CKAP4: variants seen among roughly 807,000 people sequenced by gnomAD.
The protein encoded by CKAP4 is cytoskeleton associated protein 4.
Under a neutral mutation model 24.4 loss-of-function variants are expected in CKAP4, and 20 were observed. That is an observed-to-expected ratio of 0.82 (90% CI 0.58 to 1.19). The LOEUF (loss-of-function observed/expected upper bound fraction) is 1.19. Ranked by LOEUF, CKAP4 falls within the 50% of genes most tolerant of loss-of-function variation. The probability of loss-of-function intolerance (pLI) is 0.00; values close to 1 mark genes in which losing one functional copy is unlikely to be tolerated. For synonymous variants in CKAP4, 378 were observed against 351.7 expected, an observed-to-expected ratio of 1.07 and a Z score of -0.84; for missense variants, 744 against 765.3, an observed-to-expected ratio of 0.97 and a Z score of 0.33.
At chr12:106,241,460 G>C (rs1024919420) in intron 1 of CKAP4, among the ~76,000 whole-genome samples, 5 of 150,318 alleles carry the variant, frequency 3.3e-5, no homozygotes, top group Non-Finnish European at 7.4e-5. Context: ...AGCCTCCCGA[G>C]TAGCTGGGAC....
At position 106,238,678 on chromosome 12, in the gene CKAP4, C is replaced by A; in HGVS notation, c.*346G>T. Reference sequence around the variant, plus strand: ...CCAACCCACCTTTTTTTTTTTTTTACTTGAAATCTGCCAGCCAGACAGGAT... The same window carrying A: ...CCAACCCACCTTTTTTTTTTTTTTAATTGAAATCTGCCAGCCAGACAGGAT... On this transcript the variant is annotated 3_prime_UTR_variant, in exon 2 of 2. Transcript: ENST00000378026. The A allele has an allele frequency of 2.0e-4, 31 of 153,142 alleles. No individual in the cohort carries two copies. The highest frequency in any genetic ancestry group is 2.3e-4 in the Non-Finnish European group (17 of 74,120). 9.5% of individuals were successfully genotyped at this position (153,142 alleles called of 1,614,324 possible). A position where few individuals can be genotyped will look rare whatever the true frequency, so the allele number is the denominator to read the frequency against.
chr12:106,247,961 G>T lies in CKAP4; in HGVS notation c.-110C>A. On this transcript the variant is annotated 5_prime_UTR_variant, in exon 1 of 2. Transcript: ENST00000378026. This position sits in a 1 kb window ranked among gnomAD's most constrained non-coding sequence, Gnocchi z 4.5. Reference sequence around the variant, plus strand: ...GGGACTGGGCGAGCGGCACGCGGGCGCTGCTGGCGTCGGAGCGGCGAGAGG... The same window carrying T: ...GGGACTGGGCGAGCGGCACGCGGGCTCTGCTGGCGTCGGAGCGGCGAGAGG... The T allele has an allele frequency of 2.9e-6, 2 of 684,210 alleles. No individual in the cohort carries two copies. Among genetic ancestry groups the T allele is most frequent in the Non-Finnish European group, 3.6e-6 (2 of 551,476 alleles). The allele number at this position is 684,210 out of a possible 1,614,324, so 42.4% of individuals were successfully genotyped here.
rs996704144 is a variant in CKAP4, at chr12:106,247,521, G to A, written c.331C>T (p.Leu111Phe). 4 of 1,533,692 alleles carry A rather than the reference G, an allele frequency of 2.6e-6. No individual in the cohort carries two copies. The African/African-American group carries it at 4.2e-5, about 16-fold the overall frequency. Reference sequence around the variant, plus strand: ...GCCGCCACCAGGGCGAGGTAGAAGAGAAAGTTGAGCGCCCTGCCGAGCCTG... The same window carrying A: ...GCCGCCACCAGGGCGAGGTAGAAGAAAAAGTTGAGCGCCCTGCCGAGCCTG... Reference protein sequence around the residue: ...SRRLGRALNFLFYLALVAAAA... With the variant: ...SRRLGRALNFFFYLALVAAAA... Residue 111 changes from leucine to phenylalanine, a missense_variant, in exon 1 of 2, where the codon CTC becomes TTC. This residue lies in a region of CKAP4 where 300 missense variants were observed against 264.5 expected (regional missense o/e 1.13). Coordinates refer to ENST00000378026, the MANE Select transcript of CKAP4 (RefSeq NM_006825.4). This position sits in a 1 kb window ranked among gnomAD's most constrained non-coding sequence, Gnocchi z 4.5.
rs71442016 is a variant in CKAP4 at position 106,238,662 on chromosome 12, CTT to C, written c.*360_*361del. ...AAAGAAAAGGGTCCCCCCAACCCAC[CTT>C]TTTTTTTTTTTTACTTGAAATCTGC... On this transcript the variant is annotated 3_prime_UTR_variant, in exon 2 of 2. Transcript: ENST00000378026. 676 of 158,150 alleles carry C rather than the reference CTT, an allele frequency of 4.3e-3. No individual in the cohort carries two copies. The highest frequency in any genetic ancestry group is 0.011 in the Middle Eastern group (4 of 352). 9.8% of individuals were successfully genotyped at this position (158,150 alleles called of 1,614,324 possible). A position where few individuals can be genotyped will look rare whatever the true frequency, so the allele number is the denominator to read the frequency against.
In CKAP4 at chr12:106,240,284, T is replaced by C. The variant is rs765149226; in HGVS notation, c.549A>G (p.Gln183=). ...ESILRSSQHK[Q]DLTEKAVKQG... is the part of the protein sequence containing the mutation. Reference sequence around the variant, plus strand: ...GCTTCACAGCTTTCTCTGTGAGGTCTTGTTTATGTTGGGAGCTTCTCAAGA... The same window carrying C: ...GCTTCACAGCTTTCTCTGTGAGGTCCTGTTTATGTTGGGAGCTTCTCAAGA... Residue 183 remains glutamine, a synonymous_variant, in exon 2 of 2, where the codon CAA becomes CAG. Coordinates refer to ENST00000378026, the MANE Select transcript of CKAP4 (RefSeq NM_006825.4). 1 of 1,614,216 alleles carries C rather than the reference T, an allele frequency of 6.2e-7. No individual in the cohort carries two copies. Among genetic ancestry groups the C allele is most frequent in the Non-Finnish European group, 8.5e-7 (1 of 1,180,026 alleles).
In CKAP4 at chr12:106,242,708, G is replaced by C. The variant is rs531897461; in HGVS notation, c.484-2359C>G. Among the ~76,000 whole-genome samples the C allele has an allele frequency of 2.0e-5, 3 of 152,312 alleles. No individual in the cohort carries two copies. The South Asian group carries it at 6.2e-4, about 32-fold the overall frequency. ...CTGCCTGTTCTAAGCATAGCACTCAGAACAGAGGTGTGAGCAGGTGAGCAC... is the reference window on the plus strand; with the variant it reads ...CTGCCTGTTCTAAGCATAGCACTCACAACAGAGGTGTGAGCAGGTGAGCAC... On this transcript the variant is annotated intron_variant, in intron 1 of 1. Transcript: ENST00000378026.
intron 1 of CKAP4, among the ~76,000 whole-genome samples, chr12:106,243,965 TG>T (rs1261910610): frequency 6.6e-6 from 1 of 152,248 alleles, no homozygotes; most frequent in African/African-American, 2.4e-5. Context: ...TTATGAATAC[TG>T]TAAGTATACT....
At chr12:106,245,272 T>C (rs1375445141) in intron 1 of CKAP4, among the ~76,000 whole-genome samples, 1 of 151,978 alleles carries the variant, frequency 6.6e-6, no homozygotes, top group Non-Finnish European at 1.5e-5. Flanking sequence ...TTCACAGGAG[T>C]TACCCTCAAC....
intron 1 of CKAP4, among the ~76,000 whole-genome samples, chr12:106,242,190 TTGTC>T (rs1555229681): frequency 6.6e-6 from 1 of 152,202 alleles, no homozygotes; most frequent in Non-Finnish European, 1.5e-5. Context: ...ACTCATATGA[TTGTC>T]TGTATGAAGA....
intron 1 of CKAP4, among the ~76,000 whole-genome samples, chr12:106,242,564 G>A (rs2033977553): frequency 6.6e-6 from 1 of 152,184 alleles, no homozygotes; most frequent in Admixed American, 6.5e-5. Flanking sequence ...GGTTCTCAGG[G>A]GCTCCAGAAT....
In CKAP4 at chr12:106,239,515, T is replaced by G; in HGVS notation, c.1318A>C (p.Lys440Gln). ...AGGCGCTGCTCGTGCTCCTGGCTCTTGGACAGGAGGGACTCCAGGCTCTCG... is the reference window on the plus strand; with the variant it reads ...AGGCGCTGCTCGTGCTCCTGGCTCTGGGACAGGAGGGACTCCAGGCTCTCG... ...QTESLESLLS[K>Q]SQEHEQRLAA... Residue 440 changes from lysine (K) to glutamine (Q), a missense_variant, in exon 2 of 2, where the codon AAG becomes CAG. Around this residue, in one of 3 missense-constraint regions of CKAP4, gnomAD observed 401 missense variants for 424.5 expected, o/e 0.94. Transcript: ENST00000378026. The surrounding 1 kb of genome is among the most constrained non-coding windows in gnomAD (Gnocchi z 4.9). 2 of 1,609,740 alleles carry G rather than the reference T, an allele frequency of 1.2e-6. No individual in the cohort carries two copies. The highest frequency in any genetic ancestry group is 2.2e-5 in the South Asian group (2 of 91,028).
At chr12:106,241,858 G>A (rs1047655688) in intron 1 of CKAP4, among the ~76,000 whole-genome samples, 1 of 151,926 alleles carries the variant, frequency 6.6e-6, no homozygotes, top group South Asian at 2.1e-4. Flanking sequence ...GGCACGCATA[G>A]GGCAAGAGAG....
intron 1 of CKAP4, among the ~76,000 whole-genome samples, chr12:106,243,680 G>A (rs1005870863): frequency 2.0e-5 from 3 of 152,310 alleles, no homozygotes; most frequent in African/African-American, 7.2e-5. Context: ...GTAAGGACAG[G>A]CCTGCCTCTC....
intron 1 of CKAP4, 91 bp from the exon 2 acceptor site, chr12:106,240,440 G>GT (rs2033960480): frequency 3.6e-6 from 5 of 1,406,570 alleles, no homozygotes; most frequent in Non-Finnish European, 4.8e-6. Flanking sequence ...TCCAGGTCCT[G>GT]TTTTTTTCCA....
chr12:106,243,241 G>A (rs2033981898), intron 1 of CKAP4, among the ~76,000 whole-genome samples: 1 of 152,216 alleles, frequency 6.6e-6, no homozygotes, highest in Non-Finnish European at 1.5e-5. Context: ...AATCTCATGA[G>A]TTGGTATCTC....
In CKAP4 at chr12:106,247,687, C is replaced by A; in HGVS notation, c.165G>T (p.Pro55=). 9.3e-7 allele frequency: 1 copy of A among 1,075,008 alleles called. No homozygotes were observed. Among genetic ancestry groups the A allele is most frequent in the Non-Finnish European group, 1.1e-6 (1 of 888,662 alleles). The allele number at this position is 1,075,008 out of a possible 1,614,324, so 66.6% of individuals were successfully genotyped here. Residue 55 remains proline, a synonymous_variant, in exon 1 of 2, where the codon CCG becomes CCT. Coordinates refer to ENST00000378026, the MANE Select transcript of CKAP4 (RefSeq NM_006825.4). This position sits in a 1 kb window ranked among gnomAD's most constrained non-coding sequence, Gnocchi z 4.5. ...PPPAPHPQQH[P]QQHPQNQAHG... ...GCGCCTGGTTCTGCGGGTGCTGCTG[C>A]GGGTGCTGCTGCGGGTGCGGCGCGG...
intron 1 of CKAP4, 84 bp from the exon 2 acceptor site, chr12:106,240,433 A>T: frequency 6.9e-7 from 1 of 1,457,084 alleles, no homozygotes; most frequent in South Asian, 1.4e-5. Context: ...CCCAGCCTCC[A>T]GGTCCTGTTT....
rs750145170 is a variant in CKAP4 at position 106,247,620 on chromosome 12, T to TGCCGCCGCC, written c.223_231dup (p.Gly75_Gly77dup). On this transcript the variant is annotated inframe_insertion, in exon 1 of 2. Coordinates refer to ENST00000378026, the MANE Select transcript of CKAP4 (RefSeq NM_006825.4). This position sits in a 1 kb window ranked among gnomAD's most constrained non-coding sequence, Gnocchi z 4.5. ...GAGGCGGAGGAGGAGGAGGAGGACT[T>TGCCGCCGCC]GCCGCCGCCGCCGCCGCCGCCGCGG... The TGCCGCCGCC allele has an allele frequency of 2.0e-5, 20 of 981,834 alleles. No individual in the cohort carries two copies. The highest frequency in any genetic ancestry group is 1.9e-4 in the East Asian group (3 of 16,118). The allele number at this position is 981,834 out of a possible 1,614,324, so 60.8% of individuals were successfully genotyped here. A position where few individuals can be genotyped will look rare whatever the true frequency, so the allele number is the denominator to read the frequency against.
In CKAP4 at chr12:106,239,519, C is replaced by T; in HGVS notation, c.1314G>A (p.Leu438=). The T allele has an allele frequency of 6.2e-7, 1 of 1,610,142 alleles. No individual in the cohort carries two copies. Among genetic ancestry groups the T allele is most frequent in the Non-Finnish European group, 8.5e-7 (1 of 1,179,332 alleles). The part of the protein sequence containing the change: ...ARQTESLESL[L]SKSQEHEQRL... ...GCTGCTCGTGCTCCTGGCTCTTGGA[C>T]AGGAGGGACTCCAGGCTCTCGGTCT... The change falls in exon 2 of 2, where the codon CTG becomes CTA. Residue 438 remains leucine (L), a synonymous_variant. Coordinates refer to ENST00000378026, the MANE Select transcript of CKAP4 (RefSeq NM_006825.4). This position sits in a 1 kb window ranked among gnomAD's most constrained non-coding sequence, Gnocchi z 4.9.
Sources: allele counts gnomAD v4.1 joint callset (sites outside exome capture counted in the v4.1 genomes callset), GRCh38; gene constraint gnomAD v4.1.1; regional missense constraint gnomAD v4.1.1; non-coding constraint Gnocchi (gnomAD v3.1); transcripts MANE v1.5; gene names NCBI Gene and HGNC (gene_info 2026-07-23, HGNC 2026-07-21).